CIMIP2C: variants seen among roughly 807,000 people sequenced by gnomAD.
CIMIP2C encodes ciliary microtubule inner protein 2C, also known as UPF0573 protein C2orf70.
At chr2:26,570,136 G>A in the CIMIP2C span, among the ~76,000 whole-genome samples, 1 of 152,212 alleles carries the variant, frequency 6.6e-6, no homozygotes, top group African/African-American at 2.4e-5. Flanking sequence ...CGGAGGAGAG[G>A]GCTTCTATTC....
chr2:26,562,742 G>GATCGAA, the CIMIP2C span: 1 of 1,472,370 alleles, frequency 6.8e-7, no homozygotes, highest in African/African-American at 1.4e-5. Flanking sequence ...CCTCCTCGGT[G>GATCGAA]ATCGAAATTC....
At chr2:26,574,244 CTG>C in the CIMIP2C span, among the ~76,000 whole-genome samples, 1 of 152,144 alleles carries the variant, frequency 6.6e-6, no homozygotes, top group Admixed American at 6.5e-5. Context: ...GGATCTGACT[CTG>C]GACTAAAGTT....
the CIMIP2C span, among the ~76,000 whole-genome samples, chr2:26,570,332 T>A: frequency 1.3e-5 from 2 of 152,258 alleles, no homozygotes; most frequent in Non-Finnish European, 2.9e-5. Context: ...TGTGCTCTGC[T>A]GATCAGAGCC....
chr2:26,573,852 A>G, the CIMIP2C span, among the ~76,000 whole-genome samples: 7 of 152,178 alleles, frequency 4.6e-5, no homozygotes, highest in African/African-American at 1.7e-4. Flanking sequence ...GGCCCAGCCA[A>G]TGCCAGATGC....
the CIMIP2C span, chr2:26,578,489 T>A: frequency 7.8e-6 from 2 of 255,270 alleles, no homozygotes; most frequent in African/African-American, 4.5e-5. Context: ...GACAGGATCA[T>A]TTTACAAAAA....
the CIMIP2C span, chr2:26,578,585 A>G: frequency 9.2e-6 from 3 of 325,070 alleles, no homozygotes; most frequent in Non-Finnish European, 1.8e-5. Flanking sequence ...AGGAAGCAGC[A>G]TCTCCCATCA....
chr2:26,578,295 G>A, the CIMIP2C span: 10,555 of 164,616 alleles, frequency 0.064, 414 homozygotes, highest in Middle Eastern at 0.098. Flanking sequence ...GGTGGGTGGT[G>A]CCTGGCCTGG....
chr2:26,570,709 G>A, the CIMIP2C span, among the ~76,000 whole-genome samples: 1 of 152,256 alleles, frequency 6.6e-6, no homozygotes, highest in Non-Finnish European at 1.5e-5. Context: ...GAGACTGGGA[G>A]TAACGCTGCT....
the CIMIP2C span, chr2:26,562,746 G>A: frequency 3.5e-6 from 5 of 1,417,156 alleles, no homozygotes; most frequent in South Asian, 1.2e-5. Flanking sequence ...CTCGGTGATC[G>A]AAATTCAGCC....
chr2:26,571,379 T>C, the CIMIP2C span, among the ~76,000 whole-genome samples: 87 of 152,272 alleles, frequency 5.7e-4, no homozygotes, highest in African/African-American at 1.8e-3. Flanking sequence ...CTCCTTGTGG[T>C]TGATAGCACT....
the CIMIP2C span, chr2:26,563,113 A>G: frequency 5.8e-4 from 104 of 179,788 alleles, no homozygotes; most frequent in Non-Finnish European, 1.8e-4. Flanking sequence ...GGGCAAGGTC[A>G]GTACTTGTTG....
chr2:26,570,477 A>G, the CIMIP2C span, among the ~76,000 whole-genome samples: 1 of 151,082 alleles, frequency 6.6e-6, no homozygotes, highest in East Asian at 1.9e-4. Context: ...GATTAGCAGA[A>G]GAAGAGACAA....
At chr2:26,576,330 T>C in the CIMIP2C span, among the ~76,000 whole-genome samples, 1 of 152,150 alleles carries the variant, frequency 6.6e-6, no homozygotes, top group Non-Finnish European at 1.5e-5. Flanking sequence ...GAGAGCATGG[T>C]GGGCTTGGCT....
chr2:26,570,530 T>G, the CIMIP2C span, among the ~76,000 whole-genome samples: 1 of 152,182 alleles, frequency 6.6e-6, no homozygotes, highest in African/African-American at 2.4e-5. Flanking sequence ...GATAGTCCTC[T>G]CAGTGAGGCA....
chr2:26,578,712 G>T, the CIMIP2C span: 1 of 470,522 alleles, frequency 2.1e-6, no homozygotes, highest in Non-Finnish European at 4.4e-6. Flanking sequence ...GCTCTGGCCA[G>T]GATCTGCCCC....
At chr2:26,572,903 G>A in the CIMIP2C span, among the ~76,000 whole-genome samples, 2 of 152,220 alleles carry the variant, frequency 1.3e-5, no homozygotes, top group Non-Finnish European at 2.9e-5. Context: ...CAGGATAGAG[G>A]AGGCAGCATC....
At chr2:26,576,187 G>T in the CIMIP2C span, 10 of 1,605,994 alleles carry the variant, frequency 6.2e-6, no homozygotes, top group African/African-American at 1.3e-4. Context: ...TAAGCTGTGT[G>T]GGGCTGCCCT....
the CIMIP2C span, among the ~76,000 whole-genome samples, chr2:26,569,768 G>C: frequency 6.6e-6 from 1 of 152,282 alleles, no homozygotes; most frequent in East Asian, 1.9e-4. Context: ...GGGACAGGGT[G>C]GTGGATGGGA....
the CIMIP2C span, chr2:26,577,575 C>T: frequency 2.5e-5 from 41 of 1,614,114 alleles, 1 homozygote; most frequent in African/African-American, 4.3e-4. Flanking sequence ...CTCGAGTCCC[C>T]TACTTTGCGA....
Sources: gnomAD v4.1 joint callset for allele counts (sites outside exome capture counted in the v4.1 genomes callset) on GRCh38, gnomAD v4.1.1 for gene constraint, MANE v1.5 for transcripts, NCBI Gene and HGNC (gene_info 2026-07-23, HGNC 2026-07-21) for gene names.